Variants in RTF2 observed in about 807,000 individuals in gnomAD.
RTF2 encodes the protein replication termination factor 2, also known as UPF0549 protein C20orf43.
RTF2 carries 18 observed loss-of-function variants against 38.0 expected under a neutral mutation model. The ratio of observed to expected loss-of-function variants is 0.47; its 90% CI spans 0.33 to 0.70. The LOEUF (loss-of-function observed/expected upper bound fraction) is 0.70. Among genes scored for constraint, RTF2 ranks in the 30% least tolerant of loss-of-function variants. RTF2 has a pLI of 0.02. For synonymous variants in RTF2, 126 were observed against 137.1 expected (o/e 0.92, Z 0.57); for missense variants, 311 against 379.6 (o/e 0.82, Z 1.50).
chr20:56,488,303 G>T (rs1256544076), intron 5 of RTF2, among the ~76,000 whole-genome samples: 1 of 152,082 alleles, frequency 6.6e-6, no homozygotes, highest in Non-Finnish European at 1.5e-5. Context: ...GGAAGTTGCA[G>T]TGAGCCAAGA....
At chr20:56,513,281 A>G (rs1984807117) in intron 5 of RTF2, 34 bp from the exon 6 acceptor site, 1 of 1,564,046 alleles carries the variant, frequency 6.4e-7, no homozygotes, top group African/African-American at 1.4e-5. Context: ...TTGACTGGTG[A>G]TGGAATCTGC....
chr20:56,478,615 C>T (rs1334744694), intron 4 of RTF2, among the ~76,000 whole-genome samples: 1 of 152,198 alleles, frequency 6.6e-6, no homozygotes, highest in African/African-American at 2.4e-5. Context: ...ATCACCTGAA[C>T]CTTCAGCGAG....
intron 1 of RTF2, among the ~76,000 whole-genome samples, chr20:56,471,095 A>G (rs918157881): frequency 1.3e-5 from 2 of 152,156 alleles, no homozygotes; most frequent in African/African-American, 4.8e-5. Context: ...GGACAGTATT[A>G]TGGGACTGAG....
At chr20:56,471,800 C>T (rs2146312554) in intron 1 of RTF2, 1 of 152,370 alleles carries the variant, frequency 6.6e-6, no homozygotes, top group Non-Finnish European at 1.5e-5. Context: ...TCTCTTGGTG[C>T]CTCACTTTCC....
At chr20:56,477,397 C>A (rs904972388) in intron 4 of RTF2, among the ~76,000 whole-genome samples, 1 of 152,172 alleles carries the variant, frequency 6.6e-6, no homozygotes, top group Non-Finnish European at 1.5e-5. Flanking sequence ...CTGAAAAGTT[C>A]TCATGTGACG....
chr20:56,481,880 A>T (rs1982543725), intron 4 of RTF2, among the ~76,000 whole-genome samples: 1 of 152,212 alleles, frequency 6.6e-6, no homozygotes, highest in Non-Finnish European at 1.5e-5. Context: ...GCATAGAATC[A>T]TACAATATGT....
intron 1 of RTF2, among the ~76,000 whole-genome samples, chr20:56,469,861 A>G (rs532889677): frequency 6.6e-6 from 1 of 152,334 alleles, no homozygotes; most frequent in East Asian, 1.9e-4. Context: ...GTGTGAGTTC[A>G]TCAATCTGAA....
chr20:56,493,386 A>G (rs1983298084), intron 5 of RTF2, among the ~76,000 whole-genome samples: 1 of 152,150 alleles, frequency 6.6e-6, no homozygotes, highest in Non-Finnish European at 1.5e-5. Flanking sequence ...GGCCAGATGC[A>G]GTGGTTCATG....
intron 5 of RTF2, among the ~76,000 whole-genome samples, chr20:56,493,175 C>CA (rs931903403): frequency 6.6e-5 from 10 of 151,574 alleles, no homozygotes; most frequent in East Asian, 3.9e-4. Context: ...ACTCCATCTC[C>CA]AAAAAAAACC....
intron 5 of RTF2, among the ~76,000 whole-genome samples, chr20:56,500,188 G>A (rs1463337493): frequency 2.0e-5 from 3 of 151,870 alleles, no homozygotes; most frequent in Non-Finnish European, 4.4e-5. Flanking sequence ...CCAAGTAGCT[G>A]GGATTACAGG....
rs761026737 is a variant in RTF2, at chr20:56,473,282, A to G, written c.70-19A>G. The G allele has an allele frequency of 1.3e-6, 2 of 1,582,190 alleles. No homozygotes were observed. Among genetic ancestry groups the G allele is most frequent in the South Asian group, 1.1e-5 (1 of 90,292 alleles). On this transcript the variant is annotated intron_variant, in intron 1 of 8. Transcript: ENST00000357348. ...TCTTTCAGAGTTGAAAATTAATTGAATTTTTTGTTTTTTATTAGGTCGACA... is the reference window on the plus strand; with the variant it reads ...TCTTTCAGAGTTGAAAATTAATTGAGTTTTTTGTTTTTTATTAGGTCGACA...
Position 56,516,916 on chromosome 20 carries a change from A to C in RTF2, c.592-19A>C, listed in dbSNP as rs565500124. 1.2e-5 allele frequency: 20 copies of C among 1,612,928 alleles called. No homozygotes were observed. In the East Asian group the frequency reaches 4.2e-4, roughly 34 times the overall value. Reference sequence around the variant, plus strand: ...AGTGAATCTGAGCACAGCCTCCAACATTCTCTATCTTTTTGTAGAAAACAA... The same window carrying C: ...AGTGAATCTGAGCACAGCCTCCAACCTTCTCTATCTTTTTGTAGAAAACAA... On this transcript the variant is annotated intron_variant, in intron 6 of 8. Transcript: ENST00000357348.
chr20:56,505,496 A>AATAATAATAATAATAAT (rs1311313611), intron 5 of RTF2, among the ~76,000 whole-genome samples: 3 of 148,578 alleles, frequency 2.0e-5, no homozygotes, highest in African/African-American at 7.4e-5. Flanking sequence ...TCATAATAAT[A>AATAATAATAATAATAAT]ATAATAATAA....
chr20:56,516,123 A>G (rs959394525), intron 6 of RTF2: 1 of 152,254 alleles, frequency 6.6e-6, no homozygotes, highest in Non-Finnish European at 1.5e-5. Context: ...CACTGCATGT[A>G]TATGTTAGAA....
At chr20:56,484,332 G>A in intron 5 of RTF2, 143 bp downstream of exon 5, 1 of 702,734 alleles carries the variant, frequency 1.4e-6, no homozygotes, top group Non-Finnish European at 2.5e-6. Flanking sequence ...GTTGCTGGAA[G>A]TGCAGAATCC....
chr20:56,491,487 T>A (rs1983121928), intron 5 of RTF2: 3 of 945,184 alleles, frequency 3.2e-6, no homozygotes, highest in Non-Finnish European at 5.0e-6. Flanking sequence ...TTTTCCCACT[T>A]CTTTGGTTCA....
At chr20:56,489,218 G>GT (rs1248222611) in intron 5 of RTF2, among the ~76,000 whole-genome samples, 4 of 79,162 alleles carry the variant, frequency 5.1e-5, no homozygotes, top group East Asian at 6.3e-4. Context: ...ACCATGCCTG[G>GT]TTATTTTTTT....
At chr20:56,478,389 G>T (rs1982366884) in intron 4 of RTF2, among the ~76,000 whole-genome samples, 1 of 152,058 alleles carries the variant, frequency 6.6e-6, no homozygotes, top group South Asian at 2.1e-4. Context: ...TCGCTACTTG[G>T]GAGGCTGAGG....
chr20:56,516,714 T>TA, intron 6 of RTF2: 2 of 594,508 alleles, frequency 3.4e-6, no homozygotes, highest in South Asian at 4.2e-5. Flanking sequence ...TCTGTGCAGA[T>TA]ACATTTTTGT....
Sources: allele counts gnomAD v4.1 joint callset (sites outside exome capture counted in the v4.1 genomes callset), GRCh38; gene constraint gnomAD v4.1.1; transcripts MANE v1.5; gene names NCBI Gene and HGNC (gene_info 2026-07-23, HGNC 2026-07-21).